The following PTPRD variants were observed in gnomAD, a reference collection of about 807,000 sequenced individuals.
PTPRD encodes receptor-type tyrosine-protein phosphatase delta.
A neutral mutation model predicts 214.5 loss-of-function variants in PTPRD; 34 were observed. The observed-to-expected ratio is 0.16, with a 90% CI of 0.12 to 0.21. The LOEUF is 0.21. Ranked by LOEUF, PTPRD falls within the 10% of genes least tolerant of loss-of-function variation. The probability of loss-of-function intolerance (pLI) is 1.00; values close to 1 mark genes in which losing one functional copy is unlikely to be tolerated. For synonymous variants in PTPRD, 1,128 were observed against 845.7 expected, an observed-to-expected ratio of 1.33 and a Z score of -5.79; for missense variants, 2,545 against 2,398.7, an observed-to-expected ratio of 1.06 and a Z score of -1.27.
intron 5 of PTPRD, among the ~76,000 whole-genome samples, chr9:9,922,294 TGAATCC>T (rs2082770984): frequency 6.6e-6 from 1 of 152,130 alleles, no homozygotes; most frequent in Admixed American, 6.6e-5. Context: ...CTCAATCCCT[TGAATCC>T]GAAGTATACT....
chr9:10,582,645 T>C (rs1031514388), intron 2 of PTPRD, among the ~76,000 whole-genome samples: 1 of 152,188 alleles, frequency 6.6e-6, no homozygotes, highest in South Asian at 2.1e-4. Context: ...TATCTATCCA[T>C]CCATTTAGTA....
chr9:8,580,476 T>G (rs914897776), intron 14 of PTPRD, among the ~76,000 whole-genome samples: 2 of 152,224 alleles, frequency 1.3e-5, no homozygotes, highest in Non-Finnish European at 2.9e-5. Flanking sequence ...TATGCTGCCG[T>G]CTGCAGACCC....
chr9:10,339,791 T>C (rs1201589080), intron 3 of PTPRD, among the ~76,000 whole-genome samples: 2 of 151,706 alleles, frequency 1.3e-5, no homozygotes, highest in African/African-American at 4.8e-5. Flanking sequence ...GATAGCAATG[T>C]ACAGATTAGA....
chr9:9,558,791 G>C (rs653896), intron 8 of PTPRD, among the ~76,000 whole-genome samples: 53,506 of 151,996 alleles, frequency 0.35, 9,705 homozygotes, highest in African/African-American at 0.42. Context: ...AGCACCCCAG[G>C]TAGACCTATC....
At chr9:10,448,079 C>A (rs1588389832) in intron 2 of PTPRD, among the ~76,000 whole-genome samples, 1 of 151,904 alleles carries the variant, frequency 6.6e-6, no homozygotes, top group Non-Finnish European at 1.5e-5. Flanking sequence ...GAAACTGAGC[C>A]CCAAATATAA....
chr9:9,750,422 C>T (rs904381215), intron 6 of PTPRD, among the ~76,000 whole-genome samples: 2 of 152,064 alleles, frequency 1.3e-5, no homozygotes, highest in African/African-American at 4.8e-5. Context: ...AACCATGATG[C>T]CTCTACCCCA....
At chr9:8,801,051 G>T (rs1372994976) in intron 11 of PTPRD, among the ~76,000 whole-genome samples, 1 of 152,100 alleles carries the variant, frequency 6.6e-6, no homozygotes, top group Non-Finnish European at 1.5e-5. Context: ...TTTTTGCAAG[G>T]ATTAAGATGT....
chr9:10,387,777 T>C (rs1052147017), intron 2 of PTPRD, among the ~76,000 whole-genome samples: 1 of 149,544 alleles, frequency 6.7e-6, no homozygotes, highest in Admixed American at 6.7e-5. Context: ...TAGTCATTAC[T>C]GATACCTGTT....
At chr9:9,615,528 T>G (rs1016445079) in intron 7 of PTPRD, among the ~76,000 whole-genome samples, 2 of 152,228 alleles carry the variant, frequency 1.3e-5, no homozygotes, top group Non-Finnish European at 2.9e-5. Flanking sequence ...TAAAATTTCC[T>G]TCTATCTTAT....
chr9:8,332,138 A>T (rs545871046), intron 43 of PTPRD, among the ~76,000 whole-genome samples: 3 of 152,136 alleles, frequency 2.0e-5, no homozygotes, highest in Non-Finnish European at 4.4e-5. Flanking sequence ...CCATTTCAAA[A>T]ATTTCAGAAA....
intron 9 of PTPRD, among the ~76,000 whole-genome samples, chr9:9,208,933 G>A (rs895153809): frequency 4.6e-5 from 7 of 151,724 alleles, no homozygotes; most frequent in Non-Finnish European, 4.4e-5. Flanking sequence ...TCAGCCTCCC[G>A]AGTAGCTGGA....
At chr9:8,402,179 T>G (rs2092477371) in intron 36 of PTPRD, among the ~76,000 whole-genome samples, 1 of 152,184 alleles carries the variant, frequency 6.6e-6, no homozygotes, top group African/African-American at 2.4e-5. Context: ...AATTAAATGC[T>G]TCTAACCTTT....
chr9:9,046,120 T>A (rs187656524), intron 10 of PTPRD, among the ~76,000 whole-genome samples: 1 of 152,216 alleles, frequency 6.6e-6, no homozygotes, highest in African/African-American at 2.4e-5. Flanking sequence ...ATTATCTATA[T>A]CTTTCAGCTT....
intron 14 of PTPRD, among the ~76,000 whole-genome samples, chr9:8,589,381 G>T (rs1177084318): frequency 3.9e-5 from 6 of 152,136 alleles, no homozygotes; most frequent in African/African-American, 7.2e-5. Context: ...TGGAATTCTG[G>T]AACTAAATCA....
chr9:10,259,945 A>G (rs2093584942), intron 3 of PTPRD, among the ~76,000 whole-genome samples: 1 of 152,126 alleles, frequency 6.6e-6, no homozygotes, highest in Non-Finnish European at 1.5e-5. Context: ...GGCCCGTTTC[A>G]ACCACACTCC....
chr9:10,046,768 T>C (rs1467469390), intron 3 of PTPRD, among the ~76,000 whole-genome samples: 1 of 151,996 alleles, frequency 6.6e-6, no homozygotes, highest in Non-Finnish European at 1.5e-5. Flanking sequence ...AAGTATATGC[T>C]GTTATTCTGA....
At chr9:9,271,587 A>C (rs1193113387) in intron 9 of PTPRD, among the ~76,000 whole-genome samples, 1 of 151,436 alleles carries the variant, frequency 6.6e-6, no homozygotes, top group Non-Finnish European at 1.5e-5. Context: ...TAAATTATTA[A>C]AATCTGGATA....
At chr9:9,902,563 T>G (rs2076652688) in intron 5 of PTPRD, among the ~76,000 whole-genome samples, 1 of 152,134 alleles carries the variant, frequency 6.6e-6, no homozygotes, top group Non-Finnish European at 1.5e-5. Context: ...TATATTTAAA[T>G]AAAAAAGAAA....
chr9:9,380,853 T>A (rs192132145), intron 9 of PTPRD, among the ~76,000 whole-genome samples: 1 of 152,192 alleles, frequency 6.6e-6, no homozygotes, highest in Non-Finnish European at 1.5e-5. Flanking sequence ...GTATTAATAG[T>A]TTAACACTCT....
Sources: gnomAD v4.1 joint callset for allele counts (sites outside exome capture counted in the v4.1 genomes callset) on GRCh38, gnomAD v4.1.1 for gene constraint, MANE v1.5 for transcripts, NCBI Gene and HGNC (gene_info 2026-07-23, HGNC 2026-07-21) for gene names.